Variants in YTHDF3 observed in about 807,000 individuals in gnomAD.
YTHDF3 encodes YTH domain-containing family protein 3.
YTHDF3 carries 9 observed loss-of-function variants against 52.5 expected under a neutral mutation model. The ratio of observed to expected loss-of-function variants is 0.17; its 90% confidence interval spans 0.10 to 0.30. YTHDF3 has a LOEUF of 0.30. YTHDF3 is among the 10% of genes least tolerant of loss of function. The pLI is 1.00. For synonymous variants in YTHDF3, 274 were observed against 243.3 expected (o/e 1.13, Z -1.18); for missense variants, 534 against 715.0 (o/e 0.75, Z 2.89).
rs1318442165 is a variant in YTHDF3 at position 63,168,915 on chromosome 8, G to C, written c.24+14G>C. ...AGCGTGGATCAGGTGAGGGAGCAGA[G>C]GCCCCAGGCTTGGCGAAGGCCCGAG... On this transcript the variant is annotated intron_variant, in intron 1 of 4. Coordinates refer to ENST00000539294, the MANE Select transcript of YTHDF3 (RefSeq NM_152758.6). The C allele has an allele frequency of 6.4e-7, 1 of 1,551,360 alleles. No individual in the cohort carries two copies. The highest frequency in any genetic ancestry group is 2.0e-5 in the Admixed American group (1 of 51,082).
chr8:63,168,921 A>G lies in YTHDF3; in HGVS notation c.24+20A>G, dbSNP rs571824842. The G allele has an allele frequency of 1.7e-5, 26 of 1,546,424 alleles. No individual in the cohort carries two copies. The African/African-American group carries it at 3.3e-4, about 20-fold the overall frequency. ...GATCAGGTGAGGGAGCAGAGGCCCC[A>G]GGCTTGGCGAAGGCCCGAGCCCCGG... is the stretch of plus-strand genomic sequence containing the variant. On this transcript the variant is annotated intron_variant, in intron 1 of 4. Coordinates refer to ENST00000539294, the MANE Select transcript of YTHDF3 (RefSeq NM_152758.6).
intron 2 of YTHDF3, among the ~76,000 whole-genome samples, chr8:63,170,529 A>C (rs2129950736): frequency 6.6e-6 from 1 of 152,278 alleles, no homozygotes; most frequent in African/African-American, 2.4e-5. Flanking sequence ...TAATTTTTAA[A>C]ATTTCATTTC....
intron 4 of YTHDF3, chr8:63,188,701 A>ATATATATATATTTT (rs1355614739): frequency 7.0e-4 from 43 of 61,442 alleles, no homozygotes; most frequent in African/African-American, 3.5e-3. Flanking sequence ...ATATATATAT[A>ATATATATATATTTT]TTTTTTTTTT....
chr8:63,186,127 T>G lies in YTHDF3; in HGVS notation c.136-20T>G, dbSNP rs1808484256. On this transcript the variant is annotated intron_variant, in intron 3 of 4. Coordinates refer to ENST00000539294, the MANE Select transcript of YTHDF3 (RefSeq NM_152758.6). ...TTTAAGAGGACATTTCGCTACTGAT[T>G]GTGATATTTTGTTTTGCAGAGTAAC... is the stretch of plus-strand genomic sequence containing the variant. 33 of 1,583,698 alleles carry G rather than the reference T, an allele frequency of 2.1e-5. No homozygotes were observed. The highest frequency in any genetic ancestry group is 2.8e-5 in the Non-Finnish European group (33 of 1,160,552).
chr8:63,174,605 T>C (rs1807564323), intron 2 of YTHDF3, among the ~76,000 whole-genome samples: 1 of 152,290 alleles, frequency 6.6e-6, no homozygotes, highest in Non-Finnish European at 1.5e-5. Context: ...ATAACAACTT[T>C]AGAGTGTTTA....
rs1028419140 is a variant in YTHDF3, at chr8:63,169,076, TGCGG to T, written c.24+187_24+190del. On this transcript the variant is annotated intron_variant, in intron 1 of 4. Coordinates refer to ENST00000539294, the MANE Select transcript of YTHDF3 (RefSeq NM_152758.6). ...GGGCGTGCGCCCTGGCCCCGTAGCT[TGCGG>T]GCGGGCGGGCGCGGTGCCGCGGCGG... The T allele has an allele frequency of 7.4e-4, 1,030 of 1,385,236 alleles. 1 individual carries two copies. Among genetic ancestry groups the T allele is most frequent in the Non-Finnish European group, 9.3e-4 (1,001 of 1,077,472 alleles). 85.8% of individuals were successfully genotyped at this position (1,385,236 alleles called of 1,614,324 possible).
chr8:63,201,769 A>G (rs1809658482), intron 4 of YTHDF3, among the ~76,000 whole-genome samples: 1 of 152,282 alleles, frequency 6.6e-6, no homozygotes, highest in African/African-American at 2.4e-5. Flanking sequence ...ACTAGGCTAT[A>G]AAAGCTATTA....
chr8:63,190,729 C>T (rs1480441446), intron 4 of YTHDF3, among the ~76,000 whole-genome samples: 1 of 152,150 alleles, frequency 6.6e-6, no homozygotes, highest in Non-Finnish European at 1.5e-5. Flanking sequence ...CTGTATATCA[C>T]TTTTCCTTTT....
chr8:63,204,834 T>G (rs934728205), intron 4 of YTHDF3, among the ~76,000 whole-genome samples: 4 of 152,214 alleles, frequency 2.6e-5, no homozygotes, highest in African/African-American at 9.7e-5. Context: ...TGTGGCTCAT[T>G]TAGGCTCAGA....
chr8:63,187,751 A>G lies in YTHDF3; in HGVS notation c.1734+6A>G, dbSNP rs1356851322. On this transcript the variant is annotated splice_donor_region_variant and intron_variant, in intron 4 of 4. Transcript: ENST00000539294. ...AGGAGGAAGCCATGCGTAGGGTAAG[A>G]ATATAGTAATTTTTTGTTTGGGGTC... The G allele has an allele frequency of 1.9e-6, 3 of 1,578,178 alleles. No homozygotes were observed. The highest frequency in any genetic ancestry group is 1.9e-5 in the Admixed American group (1 of 53,122).
At chr8:63,183,876 A>G (rs1182373427) in intron 3 of YTHDF3, among the ~76,000 whole-genome samples, 3 of 152,236 alleles carry the variant, frequency 2.0e-5, no homozygotes, top group Non-Finnish European at 4.4e-5. Context: ...AAATCTGTGT[A>G]TGCTCAAGAA....
chr8:63,186,307 A>G lies in YTHDF3; in HGVS notation c.296A>G (p.His99Arg), dbSNP rs1808497744. 6.2e-7 allele frequency: 1 copy of G among 1,613,932 alleles called. No individual in the cohort carries two copies. Among genetic ancestry groups the G allele is most frequent in the Non-Finnish European group, 8.5e-7 (1 of 1,179,910 alleles). Reference sequence around the variant, plus strand: ...GGACAAATGAGTAATGGAGAACATCACTATATACCAGATGGTGTATTTAGT... The same window carrying G: ...GGACAAATGAGTAATGGAGAACATCGCTATATACCAGATGGTGTATTTAGT... ...TYGQMSNGEHHYIPDGVFSQP... is the reference protein window; with the variant it reads ...TYGQMSNGEHRYIPDGVFSQP... Residue 99 changes from histidine to arginine, a missense_variant, in exon 4 of 5, where the codon CAC becomes CGC. His to Arg is a conservative substitution (Grantham distance 29). Around this residue, in one of 3 missense-constraint regions of YTHDF3, gnomAD observed 196 missense variants for 299.5 expected, o/e 0.65. Coordinates refer to ENST00000539294, the MANE Select transcript of YTHDF3 (RefSeq NM_152758.6).
In YTHDF3 at chr8:63,177,188, C is replaced by T. The variant is rs372550877; in HGVS notation, c.135+1772C>T. Among the ~76,000 whole-genome samples, 24 of 152,252 alleles carry T rather than the reference C, an allele frequency of 1.6e-4. 1 individual carries two copies. The East Asian group carries it at 3.9e-3, about 24-fold the overall frequency. On this transcript the variant is annotated intron_variant, in intron 3 of 4. Transcript: ENST00000539294. ...TTACTACAGAACTGAACAGTTTGTA[C>T]AGTAGAGTTATAGGGAAAATTTGAA...
chr8:63,207,832 C>G (rs1810132231), intron 4 of YTHDF3, among the ~76,000 whole-genome samples: 1 of 152,042 alleles, frequency 6.6e-6, no homozygotes, highest in Non-Finnish European at 1.5e-5. Context: ...GCAGATTGCC[C>G]TTACATCTTT....
intron 4 of YTHDF3, among the ~76,000 whole-genome samples, chr8:63,191,590 T>C (rs1442038813): frequency 6.6e-6 from 1 of 152,184 alleles, no homozygotes; most frequent in Non-Finnish European, 1.5e-5. Context: ...AGAAACTTTA[T>C]ATCTTTTTTC....
intron 4 of YTHDF3, among the ~76,000 whole-genome samples, chr8:63,188,023 A>T (rs1002676013): frequency 5.3e-5 from 8 of 152,328 alleles, no homozygotes; most frequent in Middle Eastern, 3.4e-3. Flanking sequence ...AGCTGAATGA[A>T]TTTTGGCATT....
intron 2 of YTHDF3, among the ~76,000 whole-genome samples, chr8:63,173,487 A>G (rs545271767): frequency 6.6e-6 from 1 of 152,040 alleles, no homozygotes; most frequent in Admixed American, 6.5e-5. Context: ...CACTTTTTGT[A>G]TTTGTATGAA....
chr8:63,204,510 C>T (rs1196782677), intron 4 of YTHDF3, among the ~76,000 whole-genome samples: 4 of 151,890 alleles, frequency 2.6e-5, no homozygotes, highest in African/African-American at 4.8e-5. Context: ...TACAGGCATG[C>T]GCCGCCACAC....
intron 2 of YTHDF3, among the ~76,000 whole-genome samples, chr8:63,172,121 CT>C (rs1433952042): frequency 6.6e-6 from 1 of 151,974 alleles, no homozygotes. Context: ...CTTTATTATC[CT>C]TGGCAAGAGT....
Sources: gnomAD v4.1 joint callset for allele counts (sites outside exome capture counted in the v4.1 genomes callset) on GRCh38, gnomAD v4.1.1 for gene constraint, gnomAD v4.1.1 regional missense constraint, MANE v1.5 for transcripts, NCBI Gene and HGNC (gene_info 2026-07-23, HGNC 2026-07-21) for gene names.